The following HERC6 variants were observed in gnomAD, a reference collection of about 807,000 sequenced individuals.
HERC6 encodes the protein probable E3 ubiquitin-protein ligase HERC6.
In HERC6, 101 loss-of-function variants were observed where a neutral mutation model predicts 114.5. The observed-to-expected ratio is 0.88, with a 90% confidence interval of 0.75 to 1.04. HERC6 has a LOEUF of 1.04. Ranked by LOEUF, HERC6 falls within the 50% of genes least tolerant of loss-of-function variation. The probability of loss-of-function intolerance (pLI) is 0.00; values close to 1 mark genes in which losing one functional copy is unlikely to be tolerated. For synonymous variants in HERC6, 408 were observed against 436.2 expected, an observed-to-expected ratio of 0.94 and a Z score of 0.81; for missense variants, 1,133 against 1,230.9, an observed-to-expected ratio of 0.92 and a Z score of 1.19.
intron 12 of HERC6, among the ~76,000 whole-genome samples, chr4:88,414,515 C>T (rs6850385): frequency 0.46 from 69,166 of 151,956 alleles, 19,309 homozygotes; most frequent in African/African-American, 0.77. Flanking sequence ...AGTAAGTTTA[C>T]TAAGAAAGTA....
chr4:88,379,234 C>G, intron 1 of HERC6, 114 bp downstream of exon 1: 1 of 844,958 alleles, frequency 1.2e-6, no homozygotes, highest in Non-Finnish European at 1.7e-6. Flanking sequence ...GTGAGGGGCG[C>G]GGGGGCCCAG....
chr4:88,383,142 GA>G (rs781006819), intron 1 of HERC6, 78 bp from the exon 2 acceptor site: 84 of 1,521,198 alleles, frequency 5.5e-5, no homozygotes, highest in Non-Finnish European at 6.6e-5. Context: ...TCTTTTTGAA[GA>G]AAAGTGCTGT....
intron 3 of HERC6, among the ~76,000 whole-genome samples, chr4:88,386,837 A>G (rs1263059172): frequency 6.6e-6 from 1 of 152,152 alleles, no homozygotes; most frequent in African/African-American, 2.4e-5. Context: ...CAGGTAAGAG[A>G]GGGGCAGAAA....
intron 20 of HERC6, among the ~76,000 whole-genome samples, chr4:88,438,224 G>A (rs1169061157): frequency 1.3e-5 from 2 of 151,712 alleles, no homozygotes; most frequent in Non-Finnish European, 2.9e-5. Flanking sequence ...AAAAGAAAAG[G>A]AGAAAGAATT....
At chr4:88,392,304 C>T (rs540951128) in intron 4 of HERC6, among the ~76,000 whole-genome samples, 72 of 150,658 alleles carry the variant, frequency 4.8e-4, no homozygotes, top group African/African-American at 1.7e-3. Flanking sequence ...CACCACCACA[C>T]CCAGCTAATT....
chr4:88,395,889 C>T, intron 5 of HERC6, 126 bp from the exon 6 acceptor site: 1 of 733,168 alleles, frequency 1.4e-6, no homozygotes, highest in Non-Finnish European at 2.1e-6. Context: ...AAGGATCTCT[C>T]CTATTTATGT....
At chr4:88,407,381 T>TTTTG (rs200401902) in intron 10 of HERC6, among the ~76,000 whole-genome samples, 3 of 152,036 alleles carry the variant, frequency 2.0e-5, no homozygotes, top group Admixed American at 6.6e-5. Context: ...ATGCTCGGCA[T>TTTTG]TTTGTTTGTT....
In HERC6 at chr4:88,442,523, C is replaced by A. The variant is rs1739445505; in HGVS notation, c.*63C>A. On this transcript the variant is annotated 3_prime_UTR_variant, in exon 23 of 23. Transcript: ENST00000264346. ...TGGATCCTTCTGTTCTTCCTTACAC[C>A]TAAATAATACAAGAGATTAATGAAT... is the stretch of plus-strand genomic sequence containing the variant. The A allele has an allele frequency of 1.8e-6, 2 of 1,142,262 alleles. No individual in the cohort carries two copies. The highest frequency in any genetic ancestry group is 2.4e-5 in the East Asian group (1 of 40,970). The allele number at this position is 1,142,262 out of a possible 1,614,324, so 70.8% of individuals were successfully genotyped here.
intron 3 of HERC6, among the ~76,000 whole-genome samples, chr4:88,387,358 C>G (rs965463868): frequency 2.7e-4 from 41 of 152,288 alleles, no homozygotes; most frequent in Admixed American, 1.3e-3. Context: ...GATTGTGCCA[C>G]TGCATTCCAG....
rs1249895633 is a variant in HERC6 at position 88,396,930 on chromosome 4, A to G, written c.967A>G (p.Thr323Ala). The part of the protein sequence containing the change: ...GHGPSDTSKP[T>A]HPEALTENFD... Reference sequence around the variant, plus strand: ...TGGACCAAGTGACACAAGCAAGCCAACTCATCCGGAGGCCCTGACAGAGAA... The same window carrying G: ...TGGACCAAGTGACACAAGCAAGCCAGCTCATCCGGAGGCCCTGACAGAGAA... Residue 323 changes from threonine (T) to alanine (A), a missense_variant, in exon 7 of 23, where the codon ACT becomes GCT. Thr to Ala is a moderately conservative substitution (Grantham distance 58). Coordinates refer to ENST00000264346, the MANE Select transcript of HERC6 (RefSeq NM_017912.4). 6.8e-6 allele frequency: 11 copies of G among 1,612,038 alleles called. No homozygotes were observed. The highest frequency in any genetic ancestry group is 1.7e-5 in the Admixed American group (1 of 59,854).
At chr4:88,403,284 A>G (rs941615570) in intron 8 of HERC6, among the ~76,000 whole-genome samples, 6 of 152,170 alleles carry the variant, frequency 3.9e-5, no homozygotes, top group Non-Finnish European at 8.8e-5. Flanking sequence ...GAGCCCAGCA[A>G]TCTACTTTAA....
chr4:88,408,423 G>T lies in HERC6; in HGVS notation c.1275-101G>T. On this transcript the variant is annotated intron_variant, in intron 10 of 22. Coordinates refer to ENST00000264346, the MANE Select transcript of HERC6 (RefSeq NM_017912.4). ...AAAGGAGGTAAGCTTTAAGAAAAAG[G>T]TTTGTATCTTATATGTAATAAAGCA... 5.4e-6 allele frequency: 4 copies of T among 739,022 alleles called. No individual in the cohort carries two copies. In the Admixed American group the frequency reaches 7.6e-5, roughly 14 times the overall value. 45.8% of individuals were successfully genotyped at this position (739,022 alleles called of 1,614,324 possible). A position where few individuals can be genotyped will look rare whatever the true frequency, so the allele number is the denominator to read the frequency against.
At chr4:88,393,429 A>G (rs913038642) in intron 4 of HERC6, 59 bp from the exon 5 acceptor site, 4 of 874,982 alleles carry the variant, frequency 4.6e-6, no homozygotes, top group Non-Finnish European at 7.0e-6. Flanking sequence ...TAAAATGTAA[A>G]TAGTCATGAA....
At chr4:88,426,534 C>G (rs529982414) in intron 15 of HERC6, among the ~76,000 whole-genome samples, 1 of 151,438 alleles carries the variant, frequency 6.6e-6, no homozygotes, top group African/African-American at 2.4e-5. Flanking sequence ...GGCTGGAGTG[C>G]GATGGTGCGA....
rs867340315 is a variant in HERC6, at chr4:88,417,795, T to C, written c.1713+216T>C. ...CTTAAGATGTTTTGTAATGGACTTCTTTCATTAAGAAAAAGTACACTGTGC... is the reference window on the plus strand; with the variant it reads ...CTTAAGATGTTTTGTAATGGACTTCCTTCATTAAGAAAAAGTACACTGTGC... On this transcript the variant is annotated intron_variant, in intron 13 of 22. Transcript: ENST00000264346. Among the ~76,000 whole-genome samples, 8 of 152,294 alleles carry C rather than the reference T, an allele frequency of 5.3e-5. No individual in the cohort carries two copies. The South Asian group carries it at 1.2e-3, about 24-fold the overall frequency.
At chr4:88,408,267 G>A (rs527912874) in intron 10 of HERC6, among the ~76,000 whole-genome samples, 3 of 152,308 alleles carry the variant, frequency 2.0e-5, no homozygotes, top group South Asian at 2.1e-4. Context: ...GATTCAGCAC[G>A]TAAAATTTTG....
chr4:88,378,966 G>C lies in HERC6; in HGVS notation c.45G>C (p.Arg15=). ...CCGACTCCAGGGAGCTGCAGCGCCG[G>C]AGGACGGCGGGCAGCCCCGGGGCTG... ...WGADSRELQR[R]RTAGSPGAEL... Residue 15 remains arginine, a synonymous_variant, in exon 1 of 23, where the codon CGG becomes CGC. Coordinates refer to ENST00000264346, the MANE Select transcript of HERC6 (RefSeq NM_017912.4). 6.3e-7 allele frequency: 1 copy of C among 1,592,376 alleles called. No homozygotes were observed. Among genetic ancestry groups the C allele is most frequent in the Non-Finnish European group, 8.5e-7 (1 of 1,170,698 alleles).
chr4:88,412,244 A>G (rs377678563), intron 11 of HERC6, among the ~76,000 whole-genome samples: 1 of 152,226 alleles, frequency 6.6e-6, no homozygotes, highest in Non-Finnish European at 1.5e-5. Context: ...TGAATGTTCA[A>G]ACAAATATAA....
intron 17 of HERC6, among the ~76,000 whole-genome samples, chr4:88,432,094 G>A (rs997767295): frequency 2.0e-5 from 3 of 152,128 alleles, no homozygotes; most frequent in African/African-American, 7.2e-5. Flanking sequence ...CTTTTTGAGT[G>A]CCAACATGAT....
Sources: gnomAD v4.1 joint callset for allele counts (sites outside exome capture counted in the v4.1 genomes callset) on GRCh38, gnomAD v4.1.1 for gene constraint, MANE v1.5 for transcripts, NCBI Gene and HGNC (gene_info 2026-07-23, HGNC 2026-07-21) for gene names.